COX10: variants seen among roughly 807,000 people sequenced by gnomAD.
The protein encoded by COX10 is protoheme IX farnesyltransferase, mitochondrial.
Under a neutral mutation model 37.3 loss-of-function variants are expected in COX10, and 27 were observed. That is an observed-to-expected ratio of 0.72 (90% CI 0.53 to 1.00). The LOEUF (loss-of-function observed/expected upper bound fraction) is 1.00. COX10 is among the 50% of genes least tolerant of loss of function. The pLI, the probability that COX10 is intolerant of heterozygous loss-of-function variation, is 0.00. For synonymous variants in COX10, 222 were observed against 229.1 expected, an observed-to-expected ratio of 0.97 and a Z score of 0.28; for missense variants, 475 against 563.2, an observed-to-expected ratio of 0.84 and a Z score of 1.59.
In COX10 at chr17:14,103,728, A is replaced by G. The variant is rs189763934; in HGVS notation, c.624+1486A>G. 1.5e-4 allele frequency among the ~76,000 whole-genome samples: 23 copies of G among 152,280 alleles called. No individual in the cohort carries two copies. In the East Asian group the frequency reaches 4.4e-3, roughly 29 times the overall value. ...AAAAACCTCTCAGTTGGATCAAGAA[A>G]GTATTTGGAGGAATAAAAATTGAAT... is the stretch of plus-strand genomic sequence containing the variant. On this transcript the variant is annotated intron_variant, in intron 4 of 6. Transcript: ENST00000261643.
intron 4 of COX10, among the ~76,000 whole-genome samples, chr17:14,107,121 C>G (rs771633529): frequency 1.3e-5 from 2 of 152,124 alleles, no homozygotes; most frequent in African/African-American, 4.8e-5. Flanking sequence ...CCCCCACCCC[C>G]ACTTGTGACA....
intron 5 of COX10, among the ~76,000 whole-genome samples, chr17:14,189,889 G>A (rs1251087279): frequency 6.6e-6 from 1 of 152,106 alleles, no homozygotes; most frequent in Non-Finnish European, 1.5e-5. Flanking sequence ...AAGCAAGAGG[G>A]GTATTACCTT....
chr17:14,123,081 T>C (rs1001459655), intron 4 of COX10, among the ~76,000 whole-genome samples: 2 of 152,160 alleles, frequency 1.3e-5, no homozygotes, highest in South Asian at 4.1e-4. Context: ...CAGTTTACAG[T>C]GCTATTTCAT....
chr17:14,090,454 A>G (rs1362891595), intron 3 of COX10, among the ~76,000 whole-genome samples: 1 of 152,194 alleles, frequency 6.6e-6, no homozygotes, highest in Non-Finnish European at 1.5e-5. Context: ...TAAAAAATAT[A>G]TTAAATAAGA....
At chr17:14,132,472 G>C (rs1308868858) in intron 4 of COX10, among the ~76,000 whole-genome samples, 2 of 151,804 alleles carry the variant, frequency 1.3e-5, no homozygotes, top group East Asian at 3.8e-4. Context: ...ATATCACTTT[G>C]CATTTATAAG....
intron 5 of COX10, among the ~76,000 whole-genome samples, chr17:14,166,673 G>A (rs1421392827): frequency 8.1e-6 from 1 of 122,804 alleles, no homozygotes. Flanking sequence ...GTACGGTGGT[G>A]CGATCTCAGC....
chr17:14,170,941 T>C (rs963816807), intron 5 of COX10, among the ~76,000 whole-genome samples: 5 of 152,166 alleles, frequency 3.3e-5, no homozygotes, highest in Non-Finnish European at 7.3e-5. Context: ...TAGAGAAATA[T>C]AGAGTTGTTT....
chr17:14,083,682 T>C (rs1915349398), intron 3 of COX10, among the ~76,000 whole-genome samples: 1 of 152,180 alleles, frequency 6.6e-6, no homozygotes, highest in Non-Finnish European at 1.5e-5. Flanking sequence ...CATTTAAAGA[T>C]TTTTATTTTT....
At chr17:14,090,888 G>C (rs1009663129) in intron 3 of COX10, among the ~76,000 whole-genome samples, 1 of 152,158 alleles carries the variant, frequency 6.6e-6, no homozygotes, top group Admixed American at 6.6e-5. Context: ...CTGTCTTGTT[G>C]ACTATTACAT....
chr17:14,097,838 T>C (rs933923229), intron 3 of COX10, among the ~76,000 whole-genome samples: 1 of 152,190 alleles, frequency 6.6e-6, no homozygotes, highest in African/African-American at 2.4e-5. Flanking sequence ...TAAAGTATAA[T>C]ACATCGTCCC....
chr17:14,103,292 A>C (rs979836770), intron 4 of COX10, among the ~76,000 whole-genome samples: 1 of 152,124 alleles, frequency 6.6e-6, no homozygotes, highest in Non-Finnish European at 1.5e-5. Context: ...CCATGAACAT[A>C]TTTTTAATGA....
At chr17:14,169,764 G>C (rs143520255) in intron 5 of COX10, among the ~76,000 whole-genome samples, 141 of 152,312 alleles carry the variant, frequency 9.3e-4, no homozygotes, top group African/African-American at 3.2e-3. Context: ...ACATTGAAGG[G>C]TGAACACTTT....
intron 5 of COX10, among the ~76,000 whole-genome samples, chr17:14,165,294 T>C (rs1905254431): frequency 6.6e-6 from 1 of 152,134 alleles, no homozygotes; most frequent in South Asian, 2.1e-4. Context: ...AGCAAACAAG[T>C]CTGTTGGTGC....
rs71147842 is a variant in COX10 at position 14,141,529 on chromosome 17, CAAAAAAAAAAA to C, written c.625-18333_625-18323del. Among the ~76,000 whole-genome samples the C allele has an allele frequency of 1.8e-4, 12 of 67,510 alleles. No individual in the cohort carries two copies. The South Asian group carries it at 3.5e-3, about 20-fold the overall frequency. 44.3% of individuals were successfully genotyped at this position (67,510 alleles called of 152,430 possible). On this transcript the variant is annotated intron_variant, in intron 4 of 6. Transcript: ENST00000261643. ...TCAGTGTCAGAGCCAGTCCCTGTCT[CAAAAAAAAAAA>C]AAAAAAAAAAAAAAGAAGACTACCT... is the stretch of plus-strand genomic sequence containing the variant.
Position 14,117,455 on chromosome 17 carries a change from A to G in COX10, c.624+15213A>G, listed in dbSNP as rs1170271498. Reference sequence around the variant, plus strand: ...AAATGCCACTCTTATAATGTGCCACATTATGCTGTATTTTGGATTTGTTTC... The same window carrying G: ...AAATGCCACTCTTATAATGTGCCACGTTATGCTGTATTTTGGATTTGTTTC... On this transcript the variant is annotated intron_variant, in intron 4 of 6. Coordinates refer to ENST00000261643, the MANE Select transcript of COX10 (RefSeq NM_001303.4). Among the ~76,000 whole-genome samples, 3 of 152,354 alleles carry G rather than the reference A, an allele frequency of 2.0e-5. No individual in the cohort carries two copies. The East Asian group carries it at 5.8e-4, about 29-fold the overall frequency.
At chr17:14,141,529 CAAAA>C (rs71147842) in intron 4 of COX10, among the ~76,000 whole-genome samples, 95 of 67,516 alleles carry the variant, frequency 1.4e-3, no homozygotes, top group Non-Finnish European at 1.9e-3. Context: ...GTCCCTGTCT[CAAAA>C]AAAAAAAAAA....
At chr17:14,148,066 G>A (rs1051606457) in intron 4 of COX10, among the ~76,000 whole-genome samples, 1 of 150,630 alleles carries the variant, frequency 6.6e-6, no homozygotes, top group Non-Finnish European at 1.5e-5. Context: ...CTTTGCCTCT[G>A]ATAAGTGCTA....
chr17:14,112,304 A>T (rs767399118), intron 4 of COX10, among the ~76,000 whole-genome samples: 1 of 152,154 alleles, frequency 6.6e-6, no homozygotes, highest in Non-Finnish European at 1.5e-5. Context: ...TCAAATGCAG[A>T]TTATTGATGT....
chr17:14,176,207 G>A (rs577072301), intron 5 of COX10, among the ~76,000 whole-genome samples: 4 of 151,694 alleles, frequency 2.6e-5, no homozygotes, highest in East Asian at 2.0e-4. Flanking sequence ...TCTCTGAAAT[G>A]TTCCCGTCTC....
Sources: gnomAD v4.1 joint callset for allele counts (sites outside exome capture counted in the v4.1 genomes callset) on GRCh38, gnomAD v4.1.1 for gene constraint, MANE v1.5 for transcripts, NCBI Gene and HGNC (gene_info 2026-07-23, HGNC 2026-07-21) for gene names.